The following OSTN variants were observed in gnomAD, a reference collection of about 807,000 sequenced individuals.
OSTN encodes the protein osteocrin.
OSTN carries 9 observed loss-of-function variants against 12.0 expected under a neutral mutation model. That is an observed-to-expected ratio of 0.75 (90% CI 0.45 to 1.30). OSTN has a LOEUF of 1.30. Among genes scored for constraint, OSTN ranks in the 50% most tolerant of loss-of-function variants. The pLI, the probability that OSTN is intolerant of heterozygous loss-of-function variation, is 0.00. For synonymous variants in OSTN, 59 were observed against 56.9 expected (o/e 1.04, Z -0.16); for missense variants, 148 against 152.3 (o/e 0.97, Z 0.15).
At chr3:191,234,680 G>A (rs1470077846) in intron 3 of OSTN, 1 of 117,696 alleles carries the variant, frequency 8.5e-6, no homozygotes, top group East Asian at 2.6e-4. Context: ...CTGGGCAACA[G>A]AACGGGACAC....
chr3:191,246,934 C>A (rs373914538), intron 3 of OSTN, among the ~76,000 whole-genome samples: 2 of 152,290 alleles, frequency 1.3e-5, no homozygotes, highest in East Asian at 3.9e-4. Context: ...TAGATTGGCC[C>A]AACCAGATAA....
intron 4 of OSTN, among the ~76,000 whole-genome samples, chr3:191,259,499 A>AT (rs34400942): frequency 0.53 from 79,070 of 149,426 alleles, 22,022 homozygotes; most frequent in Non-Finnish European, 0.61. Flanking sequence ...CCTTGCCTGG[A>AT]TTTTTTTTTT....
intron 4 of OSTN, among the ~76,000 whole-genome samples, chr3:191,251,995 C>T (rs939574020): frequency 2.0e-5 from 3 of 152,178 alleles, no homozygotes; most frequent in Admixed American, 1.3e-4. Flanking sequence ...CCCATTTCAA[C>T]ATTTTTTAGT....
At chr3:191,231,383 C>A (rs1715049609) in intron 3 of OSTN, among the ~76,000 whole-genome samples, 1 of 151,096 alleles carries the variant, frequency 6.6e-6, no homozygotes, top group Non-Finnish European at 1.5e-5. Flanking sequence ...TATATATAAA[C>A]CACAAGACTA....
At chr3:191,251,460 C>T (rs1227690578) in intron 4 of OSTN, among the ~76,000 whole-genome samples, 2 of 152,130 alleles carry the variant, frequency 1.3e-5, no homozygotes, top group Non-Finnish European at 2.9e-5. Flanking sequence ...CTGCTTCTCT[C>T]GAGATAATCC....
intron 4 of OSTN, among the ~76,000 whole-genome samples, chr3:191,260,416 G>A (rs1001180846): frequency 2.6e-5 from 4 of 152,088 alleles, no homozygotes; most frequent in African/African-American, 7.2e-5. Flanking sequence ...CAGGCTAAGA[G>A]AGCAAAAGAC....
At chr3:191,217,806 G>A (rs1004531292) in intron 2 of OSTN, among the ~76,000 whole-genome samples, 3 of 152,214 alleles carry the variant, frequency 2.0e-5, no homozygotes, top group African/African-American at 7.2e-5. Flanking sequence ...CTTAGAAACA[G>A]AGACTAAATT....
At chr3:191,209,132 C>A (rs1714356505) in intron 1 of OSTN, among the ~76,000 whole-genome samples, 1 of 152,022 alleles carries the variant, frequency 6.6e-6, no homozygotes, top group South Asian at 2.1e-4. Context: ...GCACTCCAGC[C>A]TGAGCAACAG....
At chr3:191,213,112 G>C (rs184801711) in intron 2 of OSTN, among the ~76,000 whole-genome samples, 1 of 151,294 alleles carries the variant, frequency 6.6e-6, no homozygotes, top group East Asian at 1.9e-4. Context: ...CTCGAGATCC[G>C]CCCGCCTCAA....
intron 3 of OSTN, among the ~76,000 whole-genome samples, chr3:191,236,815 C>G (rs1403738109): frequency 2.0e-5 from 3 of 152,116 alleles, no homozygotes; most frequent in African/African-American, 7.2e-5. Context: ...AATGCCTGAC[C>G]TTCTGGGAAT....
chr3:191,220,240 A>C (rs1714728020), intron 3 of OSTN, among the ~76,000 whole-genome samples: 1 of 152,144 alleles, frequency 6.6e-6, no homozygotes, highest in Non-Finnish European at 1.5e-5. Context: ...AAAGATTCTC[A>C]AAGCTACACT....
At chr3:191,236,479 G>A (rs561053984) in intron 3 of OSTN, among the ~76,000 whole-genome samples, 1 of 152,006 alleles carries the variant, frequency 6.6e-6, no homozygotes, top group South Asian at 2.1e-4. Context: ...TAGAGAGTAG[G>A]GCCCAAAAGC....
chr3:191,233,522 C>CA (rs574838676), intron 3 of OSTN, among the ~76,000 whole-genome samples: 197 of 152,164 alleles, frequency 1.3e-3, no homozygotes, highest in Non-Finnish European at 2.3e-3. Flanking sequence ...CTGCAACCTC[C>CA]ACATCCCGGG....
chr3:191,234,181 A>G (rs1347807278), intron 3 of OSTN, among the ~76,000 whole-genome samples: 1 of 152,220 alleles, frequency 6.6e-6, no homozygotes. Flanking sequence ...TTAGGTCAGT[A>G]AAGCAAGAAA....
chr3:191,243,913 T>C (rs577812485), intron 3 of OSTN, among the ~76,000 whole-genome samples: 1 of 152,214 alleles, frequency 6.6e-6, no homozygotes, highest in Non-Finnish European at 1.5e-5. Context: ...AGAATACATA[T>C]AGATTCTAAG....
At chr3:191,248,090 TC>T (rs1560124079) in intron 3 of OSTN, among the ~76,000 whole-genome samples, 1 of 152,096 alleles carries the variant, frequency 6.6e-6, no homozygotes, top group Non-Finnish European at 1.5e-5. Context: ...CACCTCAGCC[TC>T]CCAAAGCGCT....
At chr3:191,222,335 C>A (rs939707229) in intron 3 of OSTN, among the ~76,000 whole-genome samples, 4 of 151,788 alleles carry the variant, frequency 2.6e-5, no homozygotes. Context: ...TGAAAGCAGC[C>A]AAGAGGGGAT....
intron 4 of OSTN, among the ~76,000 whole-genome samples, chr3:191,261,239 A>G (rs1715802461): frequency 6.6e-6 from 1 of 152,206 alleles, no homozygotes; most frequent in Non-Finnish European, 1.5e-5. Flanking sequence ...ATGTAAGATT[A>G]AAAGGAGAAG....
intron 3 of OSTN, among the ~76,000 whole-genome samples, chr3:191,221,776 C>G (rs1576927473): frequency 6.6e-6 from 1 of 152,196 alleles, no homozygotes; most frequent in East Asian, 1.9e-4. Context: ...ACATGAATAA[C>G]TAGAAGCAAA....
Sources: allele counts gnomAD v4.1 joint callset (sites outside exome capture counted in the v4.1 genomes callset), GRCh38; gene constraint gnomAD v4.1.1; transcripts MANE v1.5; gene names NCBI Gene and HGNC (gene_info 2026-07-23, HGNC 2026-07-21).